Variants in TTC28 observed in about 807,000 individuals in gnomAD.
TTC28 encodes tetratricopeptide repeat protein 28.
In TTC28, 61 loss-of-function variants were observed where a neutral mutation model predicts 198.0. The observed-to-expected ratio is 0.31, with a 90% CI of 0.25 to 0.38. The LOEUF is 0.38. Ranked by LOEUF, TTC28 falls within the 10% of genes least tolerant of loss-of-function variation. TTC28 has a pLI of 1.00. For missense variants in TTC28, 2,678 were observed against 3,164.0 expected (o/e 0.85, Z 3.69); for synonymous variants, 1,171 against 1,297.8 (o/e 0.90, Z 2.10).
chr22:28,472,037 C>T (rs550936333), intron 2 of TTC28, among the ~76,000 whole-genome samples: 1 of 152,124 alleles, frequency 6.6e-6, no homozygotes, highest in Non-Finnish European at 1.5e-5. Flanking sequence ...TACAATATCA[C>T]AAACCTTTCT....
chr22:28,305,524 T>A (rs1665779625), intron 3 of TTC28, among the ~76,000 whole-genome samples: 1 of 152,186 alleles, frequency 6.6e-6, no homozygotes, highest in South Asian at 2.1e-4. Context: ...AGCCACTATA[T>A]TAAAAATATC....
At chr22:28,560,353 G>C (rs2049848698) in intron 2 of TTC28, among the ~76,000 whole-genome samples, 4 of 152,160 alleles carry the variant, frequency 2.6e-5, no homozygotes, top group Admixed American at 2.6e-4. Flanking sequence ...CCAGCCACCA[G>C]AATGACCTTT....
intron 2 of TTC28, among the ~76,000 whole-genome samples, chr22:28,472,505 T>C (rs2048108522): frequency 6.6e-6 from 1 of 152,050 alleles, no homozygotes; most frequent in Admixed American, 6.6e-5. Flanking sequence ...TTTTGTTTTG[T>C]ATACCTTCAT....
chr22:28,008,656 T>C (rs918649062), intron 14 of TTC28: 5 of 151,828 alleles, frequency 3.3e-5, no homozygotes, highest in African/African-American at 1.2e-4. Flanking sequence ...ATCTGGACCT[T>C]TGAAGAGTAA....
intron 5 of TTC28, among the ~76,000 whole-genome samples, chr22:28,245,855 C>T (rs1400319874): frequency 6.6e-6 from 1 of 152,132 alleles, no homozygotes; most frequent in Non-Finnish European, 1.5e-5. Context: ...CCAATCTTAG[C>T]CCCCTATACG....
At chr22:28,593,473 G>C (rs372093348) in intron 2 of TTC28, among the ~76,000 whole-genome samples, 2,610 of 52,088 alleles carry the variant, frequency 0.05, 19 homozygotes, top group Non-Finnish European at 0.066. Flanking sequence ...AGGTAGCTAG[G>C]TAGGTAGGTA....
intron 2 of TTC28, among the ~76,000 whole-genome samples, chr22:28,349,378 G>A (rs892575844): frequency 3.3e-5 from 5 of 152,168 alleles, no homozygotes; most frequent in Non-Finnish European, 5.9e-5. Flanking sequence ...TATTTTAAAT[G>A]GACATTGCTC....
At chr22:28,647,164 G>A (rs1185049411) in intron 1 of TTC28, among the ~76,000 whole-genome samples, 1 of 152,146 alleles carries the variant, frequency 6.6e-6, no homozygotes, top group Non-Finnish European at 1.5e-5. Context: ...ATGGTGCTGG[G>A]AAGACTGAAT....
intron 2 of TTC28, among the ~76,000 whole-genome samples, chr22:28,538,233 T>C (rs896001546): frequency 6.6e-6 from 1 of 152,078 alleles, no homozygotes; most frequent in Non-Finnish European, 1.5e-5. Flanking sequence ...TACAAACACA[T>C]GCCACCAAGC....
chr22:28,038,537 T>G (rs1418331521), intron 12 of TTC28, among the ~76,000 whole-genome samples: 2 of 152,194 alleles, frequency 1.3e-5, no homozygotes, highest in Admixed American at 1.3e-4. Context: ...ATTAAAGACT[T>G]AAATGTTAGA....
At chr22:28,309,310 T>C (rs1267332550) in intron 2 of TTC28, among the ~76,000 whole-genome samples, 1 of 152,224 alleles carries the variant, frequency 6.6e-6, no homozygotes, top group Non-Finnish European at 1.5e-5. Context: ...TTCTTTCTCT[T>C]GTTCCATAAA....
chr22:28,099,139 C>G, intron 9 of TTC28, 95 bp from the exon 10 acceptor site: 2 of 1,452,438 alleles, frequency 1.4e-6, no homozygotes, highest in Non-Finnish European at 9.2e-7. Context: ...TCTTTGTGCA[C>G]AACCTAAATA....
chr22:28,213,714 T>C (rs1225004145), intron 5 of TTC28, among the ~76,000 whole-genome samples: 1 of 150,148 alleles, frequency 6.7e-6, no homozygotes, highest in Non-Finnish European at 1.5e-5. Flanking sequence ...TCAAGGTAAT[T>C]TATAGATTCA....
At chr22:28,083,772 G>C (rs896864672) in intron 12 of TTC28, among the ~76,000 whole-genome samples, 1 of 152,164 alleles carries the variant, frequency 6.6e-6, no homozygotes, top group African/African-American at 2.4e-5. Context: ...TCAAAGAAAG[G>C]GGTGACAGAC....
chr22:28,113,457 GA>G lies in TTC28; in HGVS notation c.1442-5055del, dbSNP rs535939744. 1.4e-3 allele frequency among the ~76,000 whole-genome samples: 212 copies of G among 152,304 alleles called. 1 individual carries two copies. Among genetic ancestry groups the G allele is most frequent in the Admixed American group, 2.4e-3 (37 of 15,296 alleles). On this transcript the variant is annotated intron_variant, in intron 6 of 22. Transcript: ENST00000397906. ...CACTTTCTAAATGATGTGACCTGGC[GA>G]AAGTAATGGAGATTCGTCTCCAGTG...
intron 2 of TTC28, among the ~76,000 whole-genome samples, chr22:28,580,850 G>C (rs1251289446): frequency 1.3e-5 from 2 of 152,066 alleles, no homozygotes; most frequent in Admixed American, 6.6e-5. Context: ...GGCTGTCTCA[G>C]AAAGTTAAAA....
chr22:28,473,018 A>G (rs1021741655), intron 2 of TTC28, among the ~76,000 whole-genome samples: 4 of 152,220 alleles, frequency 2.6e-5, no homozygotes, highest in African/African-American at 9.6e-5. Context: ...TAAGGTAAGC[A>G]AAAGAGCCTC....
chr22:28,336,189 C>G (rs767637295), intron 2 of TTC28, among the ~76,000 whole-genome samples: 1 of 152,156 alleles, frequency 6.6e-6, no homozygotes, highest in Admixed American at 6.5e-5. Flanking sequence ...GGGATGAAGC[C>G]TGCTTGATCG....
At chr22:28,570,982 T>A (rs763539493) in intron 2 of TTC28, among the ~76,000 whole-genome samples, 8 of 152,208 alleles carry the variant, frequency 5.3e-5, no homozygotes, top group Non-Finnish European at 1.2e-4. Context: ...AAGGAAATTT[T>A]AAAGCTGGCA....
Sources: gnomAD v4.1 joint callset for allele counts (sites outside exome capture counted in the v4.1 genomes callset) on GRCh38, gnomAD v4.1.1 for gene constraint, MANE v1.5 for transcripts, NCBI Gene and HGNC (gene_info 2026-07-23, HGNC 2026-07-21) for gene names.